The following GRID2 variants were observed in gnomAD, a reference collection of about 807,000 sequenced individuals.
The protein encoded by GRID2 is glutamate ionotropic receptor delta type subunit 2.
A neutral mutation model predicts 114.8 loss-of-function variants in GRID2; 33 were observed. That is an observed-to-expected ratio of 0.29 (90% CI 0.22 to 0.38). GRID2 has a LOEUF of 0.38. GRID2 is among the 10% of genes least tolerant of loss of function. The pLI is 1.00. For missense variants in GRID2, 1,184 were observed against 1,257.7 expected, an observed-to-expected ratio of 0.94 and a Z score of 0.89; for synonymous variants, 505 against 449.9, an observed-to-expected ratio of 1.12 and a Z score of -1.55.
chr4:93,617,445 A>C (rs1028706133), intron 13 of GRID2, among the ~76,000 whole-genome samples: 6 of 152,178 alleles, frequency 3.9e-5, no homozygotes, highest in Admixed American at 1.3e-4. Context: ...ATGTGTTTTT[A>C]CATCGTTTTC....
At chr4:93,430,720 TTATAA>T (rs1454780336) in intron 10 of GRID2, among the ~76,000 whole-genome samples, 2 of 152,210 alleles carry the variant, frequency 1.3e-5, no homozygotes, top group African/African-American at 4.8e-5. Context: ...AACTAGACAC[TTATAA>T]TACAATGCAC....
intron 7 of GRID2, among the ~76,000 whole-genome samples, chr4:93,227,993 G>A (rs897367758): frequency 3.3e-5 from 5 of 152,150 alleles, no homozygotes; most frequent in African/African-American, 1.2e-4. Context: ...TGTTCTTAAA[G>A]CTCTATTCAC....
chr4:93,547,078 C>A (rs913400427), intron 13 of GRID2, among the ~76,000 whole-genome samples: 6 of 152,120 alleles, frequency 3.9e-5, no homozygotes, highest in African/African-American at 1.2e-4. Flanking sequence ...GCCAAGGCAA[C>A]CCTGTTCTCA....
chr4:92,509,157 A>G (rs1022406634), intron 1 of GRID2, among the ~76,000 whole-genome samples: 1 of 151,894 alleles, frequency 6.6e-6, no homozygotes, highest in African/African-American at 2.4e-5. Context: ...GTCAAGAATA[A>G]TTACTGTGTT....
intron 2 of GRID2, among the ~76,000 whole-genome samples, chr4:93,015,747 G>A (rs559403426): frequency 6.6e-6 from 1 of 151,988 alleles, no homozygotes; most frequent in Non-Finnish European, 1.5e-5. Context: ...CTACATGGAC[G>A]TGACAGACTT....
At position 92,471,093 on chromosome 4, in the gene GRID2, A is replaced by C. The variant is rs957137427; in HGVS notation, c.89-119038A>C. 1.2e-4 allele frequency among the ~76,000 whole-genome samples: 18 copies of C among 152,040 alleles called. 1 individual carries two copies. The highest frequency in any genetic ancestry group is 4.1e-4 in the African/African-American group (17 of 41,418). On this transcript the variant is annotated intron_variant, in intron 1 of 15. Coordinates refer to ENST00000282020, the MANE Select transcript of GRID2 (RefSeq NM_001510.4). Reference sequence around the variant, plus strand: ...CAAGGAAATACATTTTCTGGGACATATGAGAACTTTGCCTTTTGTATATAT... The same window carrying C: ...CAAGGAAATACATTTTCTGGGACATCTGAGAACTTTGCCTTTTGTATATAT...
At chr4:93,397,384 A>T (rs2149332580) in intron 9 of GRID2, among the ~76,000 whole-genome samples, 1 of 145,640 alleles carries the variant, frequency 6.9e-6, no homozygotes, top group South Asian at 2.1e-4. Context: ...AAGTACAGCA[A>T]ATTATTAATA....
At chr4:93,513,392 T>C (rs565442165) in intron 12 of GRID2, among the ~76,000 whole-genome samples, 1 of 152,320 alleles carries the variant, frequency 6.6e-6, no homozygotes, top group African/African-American at 2.4e-5. Flanking sequence ...AATTGCTCTC[T>C]TGAAACAAAA....
chr4:93,338,146 AT>A (rs10719275), intron 8 of GRID2, among the ~76,000 whole-genome samples: 38,369 of 151,606 alleles, frequency 0.25, 8,124 homozygotes, highest in African/African-American at 0.58. Flanking sequence ...AGTGATGTGA[AT>A]TTTTTTTTGC....
chr4:92,811,062 C>T (rs1289486224), intron 2 of GRID2, among the ~76,000 whole-genome samples: 1 of 152,140 alleles, frequency 6.6e-6, no homozygotes, highest in African/African-American at 2.4e-5. Flanking sequence ...GAACTACAGG[C>T]ATGAACTGCT....
chr4:93,043,984 G>A (rs911186873), intron 2 of GRID2, among the ~76,000 whole-genome samples: 2 of 151,730 alleles, frequency 1.3e-5, no homozygotes, highest in African/African-American at 2.4e-5. Context: ...AGTTATAAGT[G>A]AAGAAAACCT....
chr4:92,419,747 T>C (rs80276700), intron 1 of GRID2, among the ~76,000 whole-genome samples: 6,521 of 152,132 alleles, frequency 0.043, 154 homozygotes, highest in South Asian at 0.08. Context: ...AAAACCCATC[T>C]CTAAGAACTA....
intron 2 of GRID2, among the ~76,000 whole-genome samples, chr4:92,766,406 G>T (rs940785414): frequency 6.6e-6 from 1 of 151,902 alleles, no homozygotes; most frequent in Non-Finnish European, 1.5e-5. Flanking sequence ...GCATGGTGGT[G>T]GGCGCCTGTA....
At chr4:93,683,434 A>G (rs1182848455) in intron 14 of GRID2, among the ~76,000 whole-genome samples, 5 of 152,142 alleles carry the variant, frequency 3.3e-5, no homozygotes, top group African/African-American at 1.2e-4. Flanking sequence ...GCCTAGGAAG[A>G]CAGACTTAGC....
At chr4:93,479,507 T>A (rs2149445081) in intron 11 of GRID2, among the ~76,000 whole-genome samples, 1 of 152,080 alleles carries the variant, frequency 6.6e-6, no homozygotes, top group East Asian at 1.9e-4. Context: ...TCTGAAACAC[T>A]AAGAAAAGCC....
Position 93,508,484 on chromosome 4 carries a change from C to A in GRID2, c.1998-6732C>A, listed in dbSNP as rs187526883. Among the ~76,000 whole-genome samples the A allele has an allele frequency of 2.2e-3, 331 of 152,248 alleles. 3 individuals carry two copies. In the East Asian group the frequency reaches 0.027, roughly 12 times the overall value. Reference sequence around the variant, plus strand: ...GGCTGGGATTACAGGCATGAGCCACCATGCCTGGCCTTGTTTTTGATTTTT... The same window carrying A: ...GGCTGGGATTACAGGCATGAGCCACAATGCCTGGCCTTGTTTTTGATTTTT... On this transcript the variant is annotated intron_variant, in intron 12 of 15. Transcript: ENST00000282020.
chr4:93,205,728 G>C (rs140645667), intron 4 of GRID2, among the ~76,000 whole-genome samples: 2 of 151,926 alleles, frequency 1.3e-5, no homozygotes, highest in South Asian at 4.1e-4. Flanking sequence ...CTAAGGAATC[G>C]CCACACTGAC....
intron 1 of GRID2, among the ~76,000 whole-genome samples, chr4:92,330,223 C>G (rs761587474): frequency 1.3e-5 from 2 of 152,032 alleles, no homozygotes; most frequent in African/African-American, 2.4e-5. Flanking sequence ...TTTTTTAATA[C>G]GAATATATTC....
At position 93,361,291 on chromosome 4, in the gene GRID2, T is replaced by C. The variant is rs189286018; in HGVS notation, c.1246-34316T>C. 3.4e-4 allele frequency among the ~76,000 whole-genome samples: 51 copies of C among 152,154 alleles called. No homozygotes were observed. The East Asian group carries it at 6.4e-3, about 19-fold the overall frequency. On this transcript the variant is annotated intron_variant, in intron 8 of 15. Coordinates refer to ENST00000282020, the MANE Select transcript of GRID2 (RefSeq NM_001510.4). ...ACTGAGCTGAAATTTGAACCCAAGC[T>C]CTCTGTCTCCAAACTGAGGTTTTGG...
Sources: gnomAD v4.1 joint callset for allele counts (sites outside exome capture counted in the v4.1 genomes callset) on GRCh38, gnomAD v4.1.1 for gene constraint, MANE v1.5 for transcripts, NCBI Gene and HGNC (gene_info 2026-07-23, HGNC 2026-07-21) for gene names.